Variants in RSAD1 observed in about 807,000 individuals in gnomAD.
RSAD1 encodes the protein radical S-adenosyl methionine domain containing 1.
RSAD1 carries 34 observed loss-of-function variants against 46.2 expected under a neutral mutation model. That is an observed-to-expected ratio of 0.74 (90% CI 0.56 to 0.98). RSAD1 has a LOEUF of 0.98. Among genes scored for constraint, RSAD1 ranks in the 50% least tolerant of loss-of-function variants. RSAD1 has a pLI of 0.00. For synonymous variants in RSAD1, 260 were observed against 253.5 expected (o/e 1.03, Z -0.24); for missense variants, 635 against 592.3 (o/e 1.07, Z -0.75).
chr17:50,483,938 G>A, intron 7 of RSAD1, 178 bp downstream of exon 7: 1 of 616,362 alleles, frequency 1.6e-6, no homozygotes, highest in Non-Finnish European at 2.8e-6. Context: ...GTGGTGCATA[G>A]CTAAGAACCC....
In RSAD1 at chr17:50,484,997, G is replaced by A; in HGVS notation, c.*136G>A. The A allele has an allele frequency of 1.5e-6, 1 of 681,456 alleles. No individual in the cohort carries two copies. Among genetic ancestry groups the A allele is most frequent in the Non-Finnish European group, 2.6e-6 (1 of 388,496 alleles). The allele number at this position is 681,456 out of a possible 1,614,324, so 42.2% of individuals were successfully genotyped here. On this transcript the variant is annotated 3_prime_UTR_variant, in exon 9 of 9. Coordinates refer to ENST00000258955, the MANE Select transcript of RSAD1 (RefSeq NM_018346.3). ...TTGCTCAGCCCTGGCATCCCCAGGG[G>A]AATGGCAGCAGTGAGGTAGATGGGA...
intron 1 of RSAD1, 136 bp from the exon 2 acceptor site, chr17:50,479,493 T>C (rs779792819): frequency 1.8e-5 from 19 of 1,062,908 alleles, no homozygotes; most frequent in Middle Eastern, 3.2e-4. Flanking sequence ...CCTTGGGGAG[T>C]TGTGTGGCTT....
rs71353643 is a variant in RSAD1 at position 50,483,172 on chromosome 17, C to CAA, written c.905-149_905-148dup. Among the ~76,000 whole-genome samples the CAA allele has an allele frequency of 3.2e-3, 218 of 68,414 alleles. 1 individual carries two copies. The highest frequency in any genetic ancestry group is 6.0e-3 in the African/African-American group (83 of 13,926). 44.9% of individuals were successfully genotyped at this position (68,414 alleles called of 152,430 possible). On this transcript the variant is annotated intron_variant, in intron 5 of 8. Transcript: ENST00000258955. ...TGGGCAGTATAGTGAGACACCACCTCAAAAAAAAAAAAAAAAAAAAGAAAG... is the reference window on the plus strand; with the variant it reads ...TGGGCAGTATAGTGAGACACCACCTCAAAAAAAAAAAAAAAAAAAAAAGAAAG...
At position 50,480,306 on chromosome 17, in the gene RSAD1, A is replaced by C. The variant is rs938728380; in HGVS notation, c.474+222A>C. 4 of 574,876 alleles carry C rather than the reference A, an allele frequency of 7.0e-6. No individual in the cohort carries two copies. In the Admixed American group the frequency reaches 9.1e-5, roughly 13 times the overall value. 35.6% of individuals were successfully genotyped at this position (574,876 alleles called of 1,614,324 possible). On this transcript the variant is annotated intron_variant, in intron 3 of 8. Transcript: ENST00000258955. ...ATCAGGTGTGGCTTTTCTATTTCAA[A>C]CACTTACCATAGTGCCTGGCACATA...
chr17:50,481,570 T>G (rs1342983181), intron 3 of RSAD1, among the ~76,000 whole-genome samples: 1 of 152,252 alleles, frequency 6.6e-6, no homozygotes, highest in South Asian at 2.1e-4. Context: ...GAAAGTTCTT[T>G]TGGACAGTGC....
chr17:50,482,742 A>C (rs1485381078), intron 5 of RSAD1, 36 bp downstream of exon 5: 2 of 1,596,474 alleles, frequency 1.3e-6, no homozygotes, highest in Middle Eastern at 1.7e-4. Context: ...GTGACTCAGG[A>C]GAGGAATGTC....
intron 6 of RSAD1, 105 bp from the exon 7 acceptor site, chr17:50,483,601 G>T: frequency 2.5e-6 from 4 of 1,591,024 alleles, no homozygotes; most frequent in South Asian, 2.2e-5. Context: ...GCCACATACT[G>T]TATGGTCCCT....
chr17:50,482,791 C>T, intron 5 of RSAD1, 85 bp downstream of exon 5: 1 of 1,275,606 alleles, frequency 7.8e-7, no homozygotes, highest in Non-Finnish European at 1.1e-6. Context: ...CCTCTCCAAG[C>T]CTCTATTTTC....
At chr17:50,482,579 C>T in intron 4 of RSAD1, 64 bp from the exon 5 acceptor site, 6 of 1,613,356 alleles carry the variant, frequency 3.7e-6, no homozygotes, top group East Asian at 2.2e-5. Flanking sequence ...CCTGGGGCCC[C>T]TTACCTGAGT....
chr17:50,484,136 A>G, intron 7 of RSAD1: 1 of 429,074 alleles, frequency 2.3e-6, no homozygotes. Flanking sequence ...TTATCAAGCA[A>G]ATCCAGAGCT....
intron 7 of RSAD1, 26 bp from the exon 8 acceptor site, chr17:50,484,416 C>T: frequency 3.1e-6 from 5 of 1,607,442 alleles, no homozygotes; most frequent in Non-Finnish European, 4.3e-6. Context: ...GCCAGCTCCC[C>T]ACCTCTGACC....
In RSAD1 at chr17:50,478,912, G is replaced by A; in HGVS notation, c.28G>A (p.Gly10Ser). The change falls in exon 1 of 9, where the codon GGC becomes AGC. Residue 10 changes from glycine to serine, a missense_variant. Transcript: ENST00000258955. MALPGARAR[G>S]WAAAARAAQR... is the part of the protein sequence containing the mutation. ...GGCGCTCCCCGGAGCCCGGGCTCGC[G>A]GCTGGGCGGCAGCAGCCAGAGCGGC... The A allele has an allele frequency of 7.5e-7, 1 of 1,327,244 alleles. No individual in the cohort carries two copies. The highest frequency in any genetic ancestry group is 9.6e-7 in the Non-Finnish European group (1 of 1,046,148). The allele number at this position is 1,327,244 out of a possible 1,614,324, so 82.2% of individuals were successfully genotyped here.
At chr17:50,484,220 G>C (rs1211737184) in intron 7 of RSAD1, 1 of 549,728 alleles carries the variant, frequency 1.8e-6, no homozygotes, top group Non-Finnish European at 3.2e-6. Context: ...GAGGCATAGA[G>C]GAAGGCCTGG....
At chr17:50,482,749 T>C in intron 5 of RSAD1, 43 bp downstream of exon 5, 1 of 1,581,008 alleles carries the variant, frequency 6.3e-7, no homozygotes, top group Non-Finnish European at 8.6e-7. Context: ...AGGAGAGGAA[T>C]GTCGTGGCTG....
intron 3 of RSAD1, 112 bp downstream of exon 3, chr17:50,480,196 G>A (rs756527849): frequency 8.1e-6 from 9 of 1,113,818 alleles, no homozygotes; most frequent in Non-Finnish European, 8.1e-6. Flanking sequence ...CTGGGTGCCA[G>A]GGACACAGTA....
chr17:50,484,017 A>G (rs918310325), intron 7 of RSAD1: 1 of 510,230 alleles, frequency 2.0e-6, no homozygotes, highest in Non-Finnish European at 3.4e-6. Context: ...AAATCCTTTC[A>G]CCTCTCTTAA....
chr17:50,483,946 C>T (rs1196069882), intron 7 of RSAD1, 186 bp downstream of exon 7: 3 of 596,896 alleles, frequency 5.0e-6, no homozygotes, highest in Non-Finnish European at 8.7e-6. Flanking sequence ...TAGCTAAGAA[C>T]CCTAGACCAG....
Position 50,483,462 on chromosome 17 carries a change from C to T in RSAD1, c.1027C>T (p.Arg343Cys), listed in dbSNP as rs566356690. The change falls in exon 6 of 9, where the codon CGT becomes TGT. Residue 343 changes from arginine to cysteine, a missense_variant. Coordinates refer to ENST00000258955, the MANE Select transcript of RSAD1 (RefSeq NM_018346.3). ...VMLFGHGTRK[R>C]VPLGRLELLE... ...GCTGTTTGGCCATGGCACCCGGAAG[C>T]GTGTCCCCCTGGGCAGGCTGGAGCT... 13 of 1,613,104 alleles carry T rather than the reference C, an allele frequency of 8.1e-6. No homozygotes were observed. The South Asian group carries it at 8.8e-5, about 11-fold the overall frequency.
chr17:50,483,209 GAAAAGA>G (rs2033405715), intron 5 of RSAD1, 125 bp from the exon 6 acceptor site: 2 of 619,312 alleles, frequency 3.2e-6, no homozygotes, highest in Non-Finnish European at 4.5e-6. Flanking sequence ...AAGAAAGAAA[GAAAAGA>G]AAAGAAAAAT....
Sources: gnomAD v4.1 joint callset for allele counts (sites outside exome capture counted in the v4.1 genomes callset) on GRCh38, gnomAD v4.1.1 for gene constraint, MANE v1.5 for transcripts, NCBI Gene and HGNC (gene_info 2026-07-23, HGNC 2026-07-21) for gene names.